The following CSMD1 variants were observed in gnomAD, a reference collection of about 807,000 sequenced individuals.
CSMD1 encodes CUB and Sushi multiple domains 1, also known as CUB and sushi domain-containing protein 1.
In CSMD1, 213 loss-of-function variants were observed where a neutral mutation model predicts 417.5. The observed-to-expected ratio is 0.51, with a 90% CI of 0.46 to 0.57. CSMD1 has a LOEUF of 0.57. CSMD1 is among the 20% of genes least tolerant of loss of function. The pLI is 0.00. For synonymous variants in CSMD1, 2,862 were observed against 1,736.8 expected, an observed-to-expected ratio of 1.65 and a Z score of -16.11; for missense variants, 6,923 against 4,529.7, an observed-to-expected ratio of 1.53 and a Z score of -15.17.
chr8:3,066,525 G>A (rs1201585945), intron 49 of CSMD1, among the ~76,000 whole-genome samples: 1 of 152,162 alleles, frequency 6.6e-6, no homozygotes, highest in Admixed American at 6.5e-5. Flanking sequence ...GACTCTGGGG[G>A]TCCTTTAATT....
At chr8:4,803,399 G>C (rs1585125463) in intron 1 of CSMD1, among the ~76,000 whole-genome samples, 1 of 152,140 alleles carries the variant, frequency 6.6e-6, no homozygotes, top group South Asian at 2.1e-4. Flanking sequence ...ATAGTTATTA[G>C]ATACCCAGTC....
intron 1 of CSMD1, among the ~76,000 whole-genome samples, chr8:4,680,251 A>G (rs919328515): frequency 3.3e-5 from 5 of 152,196 alleles, no homozygotes; most frequent in African/African-American, 1.2e-4. Context: ...CTGATTTTCA[A>G]AAATACATGT....
intron 6 of CSMD1, among the ~76,000 whole-genome samples, chr8:3,710,631 G>C (rs116866208): frequency 2.0e-5 from 3 of 152,170 alleles, no homozygotes; most frequent in East Asian, 3.9e-4. Flanking sequence ...GACACACCTG[G>C]AGACCATGCC....
chr8:4,051,828 T>A (rs1298316810), intron 3 of CSMD1, among the ~76,000 whole-genome samples: 1 of 150,658 alleles, frequency 6.6e-6, no homozygotes, highest in Non-Finnish European at 1.5e-5. Flanking sequence ...TTCTCTTTCT[T>A]CTCTTTCTTT....
rs1797799667 is a variant in CSMD1 at position 4,172,166 on chromosome 8, G to A, written c.416-140067C>T. 2.0e-5 allele frequency among the ~76,000 whole-genome samples: 3 copies of A among 152,160 alleles called. No individual in the cohort carries two copies. In the South Asian group the frequency reaches 6.2e-4, roughly 32 times the overall value. Reference sequence around the variant, plus strand: ...TTGAAAAGATGGACCTAAGAGAAGTGTTTGTGCCTTTTAATGAGAAAAACT... The same window carrying A: ...TTGAAAAGATGGACCTAAGAGAAGTATTTGTGCCTTTTAATGAGAAAAACT... On this transcript the variant is annotated intron_variant, in intron 3 of 69. Coordinates refer to ENST00000635120, the MANE Select transcript of CSMD1 (RefSeq NM_033225.6).
intron 28 of CSMD1, among the ~76,000 whole-genome samples, chr8:3,219,880 A>G (rs1298463867): frequency 1.3e-5 from 2 of 152,158 alleles, no homozygotes; most frequent in African/African-American, 4.8e-5. Flanking sequence ...CAATTTCAAA[A>G]TATTGGAATA....
intron 1 of CSMD1, among the ~76,000 whole-genome samples, chr8:4,684,355 C>T (rs1485130029): frequency 6.6e-6 from 1 of 152,172 alleles, no homozygotes; most frequent in Non-Finnish European, 1.5e-5. Context: ...CTTCTTGATT[C>T]TCAAAATGAA....
chr8:4,143,529 T>C lies in CSMD1; in HGVS notation c.416-111430A>G, dbSNP rs896892979. 1.4e-4 allele frequency among the ~76,000 whole-genome samples: 21 copies of C among 151,152 alleles called. No individual in the cohort carries two copies. In the South Asian group the frequency reaches 4.4e-3, roughly 31 times the overall value. ...AAAGAAGAAGTTGATATTAAGTTTA[T>C]ATCAAATCTATATTGTATACTTGTA... On this transcript the variant is annotated intron_variant, in intron 3 of 69. Transcript: ENST00000635120.
intron 5 of CSMD1, among the ~76,000 whole-genome samples, chr8:3,863,525 A>T (rs574458454): frequency 1.8e-4 from 27 of 152,174 alleles, no homozygotes; most frequent in African/African-American, 6.3e-4. Flanking sequence ...TCCAACATTC[A>T]AATTTTAGGA....
At chr8:2,949,630 T>C (rs1400174578) in intron 67 of CSMD1, among the ~76,000 whole-genome samples, 3 of 152,028 alleles carry the variant, frequency 2.0e-5, no homozygotes, top group Non-Finnish European at 4.4e-5. Context: ...TCGAAAATGA[T>C]AGCAAATTTT....
intron 3 of CSMD1, among the ~76,000 whole-genome samples, chr8:4,256,445 G>A (rs1045248894): frequency 6.6e-6 from 1 of 152,180 alleles, no homozygotes; most frequent in African/African-American, 2.4e-5. Flanking sequence ...GATTAAAAGA[G>A]GTGATATAGA....
At chr8:4,319,070 C>A (rs527287038) in intron 3 of CSMD1, among the ~76,000 whole-genome samples, 1 of 152,252 alleles carries the variant, frequency 6.6e-6, no homozygotes, top group South Asian at 2.1e-4. Context: ...TCTTTTACTT[C>A]ATTAGTAGTC....
intron 4 of CSMD1, among the ~76,000 whole-genome samples, chr8:4,020,626 G>A (rs192571027): frequency 2.4e-4 from 36 of 152,258 alleles, no homozygotes; most frequent in Admixed American, 7.8e-4. Context: ...TAGGTCCCTA[G>A]AATCACTCTT....
intron 23 of CSMD1, among the ~76,000 whole-genome samples, chr8:3,328,777 C>T (rs972274677): frequency 1.3e-5 from 2 of 152,006 alleles, no homozygotes; most frequent in South Asian, 2.1e-4. Flanking sequence ...AATTTATAAA[C>T]AAAAAATGTG....
At chr8:4,282,423 T>C (rs1374913252) in intron 3 of CSMD1, among the ~76,000 whole-genome samples, 1 of 152,194 alleles carries the variant, frequency 6.6e-6, no homozygotes, top group Non-Finnish European at 1.5e-5. Context: ...GGATGTCCTC[T>C]TCTCCAAGCA....
chr8:4,924,061 C>T (rs1806688435), intron 1 of CSMD1, among the ~76,000 whole-genome samples: 1 of 152,108 alleles, frequency 6.6e-6, no homozygotes, highest in African/African-American at 2.4e-5. Flanking sequence ...TCACTGTAGG[C>T]AGAAAAGTGA....
intron 1 of CSMD1, among the ~76,000 whole-genome samples, chr8:4,723,802 A>AAC (rs1554457709): frequency 8.0e-5 from 10 of 125,402 alleles, no homozygotes; most frequent in Admixed American, 6.2e-4. Context: ...AAAAAAAAAC[A>AAC]AAAAAAAAAC....
At chr8:4,920,904 A>AG (rs1563768896) in intron 1 of CSMD1, among the ~76,000 whole-genome samples, 2 of 58,584 alleles carry the variant, frequency 3.4e-5, no homozygotes, top group African/African-American at 1.0e-4. Context: ...AAGAAAAGAA[A>AG]AGAAAAGAAA....
Position 3,548,101 on chromosome 8 carries a change from C to T in CSMD1, c.1344+26844G>A, listed in dbSNP as rs185707074. 5.1e-3 allele frequency among the ~76,000 whole-genome samples: 781 copies of T among 152,096 alleles called. 2 individuals are homozygous for T. Among genetic ancestry groups the T allele is most frequent in the Non-Finnish European group, 8.7e-3 (593 of 67,998 alleles). On this transcript the variant is annotated intron_variant, in intron 10 of 69. Coordinates refer to ENST00000635120, the MANE Select transcript of CSMD1 (RefSeq NM_033225.6). ...TAAATAGGTCCACCAAAAAAAATAC[C>T]GTGCTCAGAAGAGCACTGATAATTA...
Sources: allele counts gnomAD v4.1 joint callset (sites outside exome capture counted in the v4.1 genomes callset), GRCh38; gene constraint gnomAD v4.1.1; transcripts MANE v1.5; gene names NCBI Gene and HGNC (gene_info 2026-07-23, HGNC 2026-07-21).